NVL: variants seen among roughly 807,000 people sequenced by gnomAD.
NVL encodes nuclear valosin-containing protein-like.
In NVL, 84 loss-of-function variants were observed where a neutral mutation model predicts 110.2. That is an observed-to-expected ratio of 0.76 (90% CI 0.64 to 0.91). The LOEUF (loss-of-function observed/expected upper bound fraction) is 0.91. Among genes scored for constraint, NVL ranks in the 40% least tolerant of loss-of-function variants. The probability of loss-of-function intolerance (pLI) is 0.00; values close to 1 mark genes in which losing one functional copy is unlikely to be tolerated. For missense variants in NVL, 882 were observed against 1,035.9 expected (o/e 0.85, Z 2.04); for synonymous variants, 354 against 361.1 (o/e 0.98, Z 0.22).
Position 224,289,733 on chromosome 1 carries a change from T to C in NVL, c.1326A>G (p.Arg442=), listed in dbSNP as rs1667198510. 1.9e-6 allele frequency: 3 copies of C among 1,605,062 alleles called. No individual in the cohort carries two copies. Among genetic ancestry groups the C allele is most frequent in the Non-Finnish European group, 2.6e-6 (3 of 1,174,094 alleles). ...GTTTTCTGCACAATGTTTGAAGTAT[T>C]CTGTAGAAAAGACAGGGGAAAAAAT... is the stretch of plus-strand genomic sequence containing the variant. ...LGIPDEASRE[R]ILQTLCRKLR... The change falls in exon 13 of 23, where the codon AGA becomes AGG. Residue 442 remains arginine (R), a splice_region_variant and synonymous_variant. Transcript: ENST00000281701.
intron 15 of NVL, 96 bp downstream of exon 15, chr1:224,285,930 C>A: frequency 1.2e-6 from 1 of 832,200 alleles, no homozygotes; most frequent in Admixed American, 2.5e-5. Flanking sequence ...AAAAATTATG[C>A]ATAAGACTTA....
chr1:224,259,975 CAAAT>C (rs1192825733), intron 18 of NVL, among the ~76,000 whole-genome samples: 2 of 152,060 alleles, frequency 1.3e-5, no homozygotes, highest in African/African-American at 4.8e-5. Context: ...CAGCCGTAAA[CAAAT>C]AATTATTGAG....
Position 224,275,473 on chromosome 1 carries a change from A to G in NVL, c.1963-15T>C. The G allele has an allele frequency of 6.2e-7, 1 of 1,614,016 alleles. No individual in the cohort carries two copies. Among genetic ancestry groups the G allele is most frequent in the Non-Finnish European group, 8.5e-7 (1 of 1,179,948 alleles). ...TCACCAACATACTAAACATACACAG[A>G]AAGGAAATAAAATACCAACAGTTCA... On this transcript the variant is annotated splice_polypyrimidine_tract_variant and intron_variant, in intron 16 of 22. Transcript: ENST00000281701.
At chr1:224,264,997 G>A (rs1304880497) in intron 18 of NVL, among the ~76,000 whole-genome samples, 4 of 151,810 alleles carry the variant, frequency 2.6e-5, no homozygotes, top group Admixed American at 1.3e-4. Context: ...CGCCGGCCTC[G>A]GCCTCCCAAA....
chr1:224,283,660 A>G (rs1211268720), intron 15 of NVL, among the ~76,000 whole-genome samples: 1 of 152,232 alleles, frequency 6.6e-6, no homozygotes, highest in Non-Finnish European at 1.5e-5. Context: ...GACTACTCAA[A>G]GGCAGATGTA....
chr1:224,276,738 T>C (rs1278052734), intron 16 of NVL, among the ~76,000 whole-genome samples: 1 of 152,210 alleles, frequency 6.6e-6, no homozygotes, highest in Non-Finnish European at 1.5e-5. Context: ...AACTGCTTTC[T>C]AACCTACCTC....
chr1:224,319,611 T>C (rs1670454234), intron 2 of NVL, among the ~76,000 whole-genome samples: 3 of 152,208 alleles, frequency 2.0e-5, no homozygotes, highest in Admixed American at 2.0e-4. Context: ...CCTTTGTGCA[T>C]GTAACACTGA....
chr1:224,286,262 G>C, intron 14 of NVL, 132 bp from the exon 15 acceptor site: 1 of 661,348 alleles, frequency 1.5e-6, no homozygotes, highest in Non-Finnish European at 2.6e-6. Flanking sequence ...CTAGAGTGCA[G>C]TGGTGCTATC....
At chr1:224,281,215 A>C in intron 15 of NVL, 30 bp from the exon 16 acceptor site, 1 of 1,554,228 alleles carries the variant, frequency 6.4e-7, no homozygotes, top group South Asian at 1.1e-5. Context: ...AGACACAAAT[A>C]AGACCAATAC....
intron 2 of NVL, among the ~76,000 whole-genome samples, chr1:224,322,243 ATTTTTTT>A (rs34841668): frequency 1.4e-4 from 18 of 131,802 alleles, no homozygotes; most frequent in South Asian, 4.9e-4. Context: ...TGCCACGCTA[ATTTTTTT>A]TTTTTTTTTT....
chr1:224,240,570 C>T (rs1460653613), intron 19 of NVL, among the ~76,000 whole-genome samples: 1 of 152,146 alleles, frequency 6.6e-6, no homozygotes, highest in East Asian at 1.9e-4. Flanking sequence ...CTATTCTTAG[C>T]ATATCCTTTG....
At chr1:224,316,696 G>T (rs1286656800) in intron 4 of NVL, among the ~76,000 whole-genome samples, 1 of 150,414 alleles carries the variant, frequency 6.6e-6, no homozygotes. Context: ...AAAAAAGTTT[G>T]CCTAGAAGCA....
intron 9 of NVL, among the ~76,000 whole-genome samples, chr1:224,302,710 T>C (rs1416291339): frequency 3.3e-5 from 5 of 152,200 alleles, no homozygotes; most frequent in African/African-American, 7.2e-5. Context: ...AATTTAGCTA[T>C]ATGAAAAATA....
chr1:224,275,723 G>A (rs534500541), intron 16 of NVL, among the ~76,000 whole-genome samples: 4 of 152,174 alleles, frequency 2.6e-5, no homozygotes, highest in Admixed American at 2.6e-4. Context: ...TAAGTGAAAC[G>A]TAAGTTCTTC....
chr1:224,307,180 C>T (rs972838266), intron 6 of NVL, among the ~76,000 whole-genome samples: 14 of 152,086 alleles, frequency 9.2e-5, no homozygotes, highest in Non-Finnish European at 1.8e-4. Context: ...GTCTAATGTA[C>T]ACTTTAAGTT....
intron 10 of NVL, 49 bp from the exon 11 acceptor site, chr1:224,296,667 A>G: frequency 9.0e-7 from 1 of 1,112,026 alleles, no homozygotes; most frequent in Non-Finnish European, 1.3e-6. Flanking sequence ...CATCCCCTAT[A>G]CTGAAGCACA....
At chr1:224,268,281 A>T (rs959593066) in intron 17 of NVL, 148 bp from the exon 18 acceptor site, 7 of 608,300 alleles carry the variant, frequency 1.2e-5, no homozygotes, top group Non-Finnish European at 1.7e-5. Context: ...CACTGTGCAA[A>T]ATGTGTTCTC....
At chr1:224,240,349 G>A (rs1292938179) in intron 19 of NVL, among the ~76,000 whole-genome samples, 2 of 152,010 alleles carry the variant, frequency 1.3e-5, no homozygotes, top group African/African-American at 4.8e-5. Context: ...GATTACAGGC[G>A]TGAGCCACCG....
intron 16 of NVL, among the ~76,000 whole-genome samples, chr1:224,279,117 T>C (rs1388101599): frequency 1.3e-5 from 2 of 152,134 alleles, no homozygotes; most frequent in African/African-American, 4.8e-5. Flanking sequence ...CTCACAAATA[T>C]ATGCAAAGAT....
Sources: gnomAD v4.1 joint callset for allele counts (sites outside exome capture counted in the v4.1 genomes callset) on GRCh38, gnomAD v4.1.1 for gene constraint, MANE v1.5 for transcripts, NCBI Gene and HGNC (gene_info 2026-07-23, HGNC 2026-07-21) for gene names.